ADAMTSL1: variants seen among roughly 807,000 people sequenced by gnomAD.
ADAMTSL1 encodes the protein ADAMTS-like protein 1.
A neutral mutation model predicts 201.8 loss-of-function variants in ADAMTSL1; 126 were observed. The observed-to-expected ratio is 0.62, with a 90% CI of 0.54 to 0.72. ADAMTSL1 has a LOEUF of 0.72. Among genes scored for constraint, ADAMTSL1 ranks in the 30% least tolerant of loss-of-function variants. The pLI, the probability that ADAMTSL1 is intolerant of heterozygous loss-of-function variation, is 0.00. For missense variants in ADAMTSL1, 2,679 were observed against 2,277.8 expected (o/e 1.18, Z -3.59); for synonymous variants, 1,121 against 903.4 (o/e 1.24, Z -4.32).
At chr9:18,743,788 T>C (rs1818978778) in intron 15 of ADAMTSL1, among the ~76,000 whole-genome samples, 1 of 152,260 alleles carries the variant, frequency 6.6e-6, no homozygotes, top group African/African-American at 2.4e-5. Flanking sequence ...TAATGTCTAA[T>C]ATCTCCTTTG....
chr9:18,785,088 CAGG>C (rs1368178162), intron 19 of ADAMTSL1, among the ~76,000 whole-genome samples: 17 of 151,852 alleles, frequency 1.1e-4, no homozygotes, highest in African/African-American at 3.6e-4. Flanking sequence ...CGCTTGAACG[CAGG>C]AGGTGGAGGT....
chr9:18,422,807 T>G (rs1370381515), intron 2 of ADAMTSL1, among the ~76,000 whole-genome samples: 1 of 152,152 alleles, frequency 6.6e-6, no homozygotes, highest in African/African-American at 2.4e-5. Context: ...ACTGGTTGCT[T>G]TCTTGTATGT....
intron 1 of ADAMTSL1, among the ~76,000 whole-genome samples, chr9:17,958,474 G>T (rs1178665187): frequency 6.6e-6 from 1 of 152,098 alleles, no homozygotes; most frequent in African/African-American, 2.4e-5. Context: ...AAAATTTGTG[G>T]AGTGCTAATA....
intron 2 of ADAMTSL1, among the ~76,000 whole-genome samples, chr9:18,284,122 G>A (rs533485891): frequency 7.9e-5 from 12 of 151,466 alleles, no homozygotes; most frequent in Admixed American, 5.3e-4. Flanking sequence ...TCCACTACTC[G>A]GGAGGCTGAG....
intron 13 of ADAMTSL1, among the ~76,000 whole-genome samples, chr9:18,694,962 T>G (rs1587918704): frequency 6.6e-6 from 1 of 152,258 alleles, no homozygotes; most frequent in Non-Finnish European, 1.5e-5. Flanking sequence ...CTGCCCTCTG[T>G]GCACCCAGAG....
chr9:18,659,743 G>A (rs565892079), intron 8 of ADAMTSL1, among the ~76,000 whole-genome samples: 1 of 152,192 alleles, frequency 6.6e-6, no homozygotes, highest in South Asian at 2.1e-4. Flanking sequence ...CTCCAGCCTG[G>A]GTGACAGAGC....
At chr9:17,972,338 G>C in intron 1 of ADAMTSL1, among the ~76,000 whole-genome samples, 1 of 99,116 alleles carries the variant, frequency 1.0e-5, no homozygotes, top group East Asian at 3.2e-4. Flanking sequence ...AACAGTCCCC[G>C]GTGTGTGATG....
rs182502623 is a variant in ADAMTSL1, at chr9:18,539,086, C to T, written c.237+5794C>T. Among the ~76,000 whole-genome samples, 14 of 152,262 alleles carry T rather than the reference C, an allele frequency of 9.2e-5. No individual in the cohort carries two copies. In the East Asian group the frequency reaches 2.5e-3, roughly 27 times the overall value. ...ATGGGAAGTAGGCTACTAAACTTTC[C>T]CATACTCTAGTCCTTATTATTCTAG... On this transcript the variant is annotated intron_variant, in intron 3 of 28. Coordinates refer to ENST00000380548, the MANE Select transcript of ADAMTSL1 (RefSeq NM_001040272.6).
intron 1 of ADAMTSL1, among the ~76,000 whole-genome samples, chr9:18,032,107 C>T (rs1556353): frequency 1.3e-5 from 2 of 151,946 alleles, no homozygotes; most frequent in East Asian, 1.9e-4. Context: ...GGCTCTTCCA[C>T]GTGTTCAGGG....
In ADAMTSL1 at chr9:18,392,930, C is replaced by T. The variant is rs554876160; in HGVS notation, c.208-111899C>T. ...TACACATGGCTATTTCACATGCTACCTAAGGTAAAAAGATGCTTTACTTTG... is the reference window on the plus strand; with the variant it reads ...TACACATGGCTATTTCACATGCTACTTAAGGTAAAAAGATGCTTTACTTTG... On this transcript the variant is annotated intron_variant, in intron 2 of 29. Coordinates refer to the ADAMTSL1 transcript ENST00000680146. Among the ~76,000 whole-genome samples the T allele has an allele frequency of 3.3e-5, 5 of 152,236 alleles. No individual in the cohort carries two copies. In the East Asian group the frequency reaches 9.7e-4, roughly 29 times the overall value.
intron 1 of ADAMTSL1, among the ~76,000 whole-genome samples, chr9:17,981,289 A>G (rs1468718781): frequency 2.0e-5 from 3 of 152,176 alleles, no homozygotes; most frequent in East Asian, 1.9e-4. Context: ...AAGCCACCCA[A>G]TCTATGGTGT....
At chr9:18,720,053 A>C (rs1032294221) in intron 14 of ADAMTSL1, among the ~76,000 whole-genome samples, 1 of 152,240 alleles carries the variant, frequency 6.6e-6, no homozygotes, top group African/African-American at 2.4e-5. Flanking sequence ...ATACACAGCT[A>C]TGTATGTCTG....
At chr9:18,689,786 G>A (rs1401134376) in intron 13 of ADAMTSL1, among the ~76,000 whole-genome samples, 1 of 152,194 alleles carries the variant, frequency 6.6e-6, no homozygotes. Flanking sequence ...GCTGGCATTC[G>A]CCAGGTGGAA....
chr9:18,664,089 G>A (rs747914515), intron 9 of ADAMTSL1, among the ~76,000 whole-genome samples: 1 of 152,018 alleles, frequency 6.6e-6, no homozygotes, highest in Non-Finnish European at 1.5e-5. Flanking sequence ...TCAGGAAGCT[G>A]CTTTTTTTTA....
At chr9:18,907,092 A>C in intron 28 of ADAMTSL1, 180 bp downstream of exon 28, 1 of 653,552 alleles carries the variant, frequency 1.5e-6, no homozygotes, top group Non-Finnish European at 2.6e-6. Context: ...AGGTGTATAT[A>C]AGCATGACAG....
chr9:18,768,855 A>G (rs1254633425), intron 16 of ADAMTSL1, among the ~76,000 whole-genome samples: 2 of 152,114 alleles, frequency 1.3e-5, no homozygotes, highest in Non-Finnish European at 2.9e-5. Flanking sequence ...CATGTTTATT[A>G]CCATTGGGTA....
intron 15 of ADAMTSL1, among the ~76,000 whole-genome samples, chr9:18,745,536 T>C (rs1331944090): frequency 1.3e-5 from 2 of 152,178 alleles, no homozygotes; most frequent in African/African-American, 4.8e-5. Context: ...CTACAGAAAT[T>C]GATTCCTTTT....
At position 18,777,632 on chromosome 9, in the gene ADAMTSL1, C is replaced by A. The variant is rs1449339773; in HGVS notation, c.3403C>A (p.His1135Asn). 1 of 1,613,646 alleles carries A rather than the reference C, an allele frequency of 6.2e-7. No individual in the cohort carries two copies. The highest frequency in any genetic ancestry group is 8.5e-7 in the Non-Finnish European group (1 of 1,179,874). ...GACTTCCCCAGTGACTCTCTCGCCT[C>A]ATAAACACGTGTCTGGCTTCAGCAG... ...RRTSPVTLSPHKHVSGFSSSL... is the reference protein window; with the variant it reads ...RRTSPVTLSPNKHVSGFSSSL... The change falls in exon 19 of 29, where the codon CAT (histidine) becomes AAT (asparagine). Residue 1135 changes from histidine (H) to asparagine (N), a missense_variant. Coordinates refer to ENST00000380548, the MANE Select transcript of ADAMTSL1 (RefSeq NM_001040272.6).
intron 2 of ADAMTSL1, among the ~76,000 whole-genome samples, chr9:18,429,499 A>G (rs1819386575): frequency 6.6e-6 from 1 of 152,172 alleles, no homozygotes; most frequent in Non-Finnish European, 1.5e-5. Context: ...TTCTAAACCA[A>G]AACTTTGACT....
Sources: gnomAD v4.1 joint callset for allele counts (sites outside exome capture counted in the v4.1 genomes callset) on GRCh38, gnomAD v4.1.1 for gene constraint, MANE v1.5 for transcripts, NCBI Gene and HGNC (gene_info 2026-07-23, HGNC 2026-07-21) for gene names.